Variants in SNX24 observed in about 807,000 individuals in gnomAD.
SNX24 encodes the protein sorting nexin 24.
A neutral mutation model predicts 28.7 loss-of-function variants in SNX24; 22 were observed. The observed-to-expected ratio is 0.77, with a 90% CI of 0.55 to 1.10. The LOEUF (loss-of-function observed/expected upper bound fraction) is 1.10. Among genes scored for constraint, SNX24 ranks in the 50% least tolerant of loss-of-function variants. The probability of loss-of-function intolerance (pLI) is 0.00; values close to 1 mark genes in which losing one functional copy is unlikely to be tolerated. For missense variants in SNX24, 221 were observed against 201.1 expected (o/e 1.10, Z -0.60); for synonymous variants, 69 against 71.5 (o/e 0.96, Z 0.18).
intron 1 of SNX24, among the ~76,000 whole-genome samples, chr5:122,930,672 T>C (rs1758911949): frequency 1.3e-5 from 2 of 152,220 alleles, no homozygotes; most frequent in African/African-American, 4.8e-5. Context: ...TCTAATTTTT[T>C]TGTTCTTTCA....
At chr5:122,962,862 TA>T (rs996466006) in intron 3 of SNX24, among the ~76,000 whole-genome samples, 4 of 152,186 alleles carry the variant, frequency 2.6e-5, no homozygotes, top group Non-Finnish European at 5.9e-5. Flanking sequence ...TACTGATTTT[TA>T]AAAATACCTT....
intron 5 of SNX24, chr5:123,023,700 C>G: frequency 9.7e-7 from 1 of 1,031,214 alleles, no homozygotes; most frequent in Non-Finnish European, 1.3e-6. Context: ...TACTAAAGTT[C>G]AAGCAAACTA....
intron 1 of SNX24, among the ~76,000 whole-genome samples, chr5:122,885,603 C>T (rs1756674320): frequency 6.6e-6 from 1 of 151,846 alleles, no homozygotes; most frequent in African/African-American, 2.4e-5. Context: ...GAAAGGCCTA[C>T]AGCCTATTCT....
intron 1 of SNX24, among the ~76,000 whole-genome samples, chr5:122,846,940 C>T (rs1430842968): frequency 6.6e-6 from 1 of 151,210 alleles, no homozygotes; most frequent in Non-Finnish European, 1.5e-5. Flanking sequence ...CAAACAAACC[C>T]TCGAGTTTGT....
intron 5 of SNX24, among the ~76,000 whole-genome samples, chr5:123,027,627 G>C (rs1281816721): frequency 1.3e-5 from 2 of 152,132 alleles, no homozygotes; most frequent in African/African-American, 4.8e-5. Context: ...GCAAGAACTA[G>C]AAGTAATCTT....
At chr5:122,866,105 A>G (rs1168835456) in intron 1 of SNX24, among the ~76,000 whole-genome samples, 3 of 152,214 alleles carry the variant, frequency 2.0e-5, no homozygotes, top group Non-Finnish European at 2.9e-5. Flanking sequence ...TGACAATTCA[A>G]TCTTAATTTC....
At chr5:122,996,685 T>C (rs1206819176) in intron 3 of SNX24, among the ~76,000 whole-genome samples, 1 of 152,140 alleles carries the variant, frequency 6.6e-6, no homozygotes, top group Non-Finnish European at 1.5e-5. Flanking sequence ...AATTTTAAGA[T>C]AGAAAGAGAA....
rs1328343157 is a variant in SNX24 at position 123,006,406 on chromosome 5, G to A, written c.443-1276G>A. Among the ~76,000 whole-genome samples, 2 of 152,088 alleles carry A rather than the reference G, an allele frequency of 1.3e-5. 1 individual carries two copies. Among genetic ancestry groups the A allele is most frequent in the Admixed American group, 1.3e-4 (2 of 15,276 alleles). ...CTTCATTTCTCTAGAATTCCTCCAT[G>A]GTTCTCCATCCTCAACCTCGTTTGG... On this transcript the variant is annotated intron_variant, in intron 6 of 6. Coordinates refer to ENST00000261369, the MANE Select transcript of SNX24 (RefSeq NM_014035.4).
chr5:123,007,678 TCA>T lies in SNX24; in HGVS notation c.443-3_443-2del. The T allele has an allele frequency of 5.7e-6, 9 of 1,577,100 alleles. No homozygotes were observed. The highest frequency in any genetic ancestry group is 2.4e-5 in the South Asian group (2 of 83,080). ...TTTTTTCTTTTTTTTTTTCTTTTTT[TCA>T]GATTTTCCAAATGTGGTTATTGAAG... On this transcript the variant is annotated splice_acceptor_variant and splice_polypyrimidine_tract_variant and intron_variant, in intron 6 of 6. Coordinates refer to ENST00000261369, the MANE Select transcript of SNX24 (RefSeq NM_014035.4). LOFTEE classifies it high-confidence loss of function.
intron 3 of SNX24, among the ~76,000 whole-genome samples, chr5:122,968,841 C>T (rs894705659): frequency 2.6e-5 from 4 of 151,676 alleles, no homozygotes; most frequent in African/African-American, 9.7e-5. Flanking sequence ...TTTATTACTT[C>T]ATCTTCATAT....
chr5:122,936,719 A>C lies in SNX24; in HGVS notation c.61-15A>C. On this transcript the variant is annotated splice_polypyrimidine_tract_variant and intron_variant, in intron 1 of 6. Coordinates refer to ENST00000261369, the MANE Select transcript of SNX24 (RefSeq NM_014035.4). ...TTTGAACTAATATAATTAATCTTTT[A>C]AATTTTTTCCTCAGGTGTTTAAGAT... 3 of 1,468,432 alleles carry C rather than the reference A, an allele frequency of 2.0e-6. No homozygotes were observed. The highest frequency in any genetic ancestry group is 1.9e-6 in the Non-Finnish European group (2 of 1,053,994). 91.0% of individuals were successfully genotyped at this position (1,468,432 alleles called of 1,614,324 possible). A position where few individuals can be genotyped will look rare whatever the true frequency, so the allele number is the denominator to read the frequency against.
intron 3 of SNX24, among the ~76,000 whole-genome samples, chr5:122,971,856 G>T (rs1048803103): frequency 7.4e-6 from 1 of 135,972 alleles, no homozygotes; most frequent in Admixed American, 7.6e-5. Flanking sequence ...CCCTCAGCCA[G>T]CACCTCAGTG....
At chr5:122,884,098 T>C (rs1382859615) in intron 1 of SNX24, among the ~76,000 whole-genome samples, 2 of 152,210 alleles carry the variant, frequency 1.3e-5, no homozygotes, top group Non-Finnish European at 2.9e-5. Context: ...CCAGTTTTAC[T>C]CACAAAGTTA....
At position 122,991,149 on chromosome 5, in the gene SNX24, A is replaced by T. The variant is rs147178886; in HGVS notation, c.250-8763A>T. On this transcript the variant is annotated intron_variant, in intron 3 of 6. Transcript: ENST00000261369. ...TGACCTCAAGTGATCCACCCACTGCAGCCTCCCAAAGTGCTGGGATTACAG... is the reference window on the plus strand; with the variant it reads ...TGACCTCAAGTGATCCACCCACTGCTGCCTCCCAAAGTGCTGGGATTACAG... 5.6e-3 allele frequency among the ~76,000 whole-genome samples: 854 copies of T among 152,072 alleles called. 11 individuals carry two copies. The highest frequency in any genetic ancestry group is 0.019 in the African/African-American group (777 of 41,480).
intron 1 of SNX24, among the ~76,000 whole-genome samples, chr5:122,888,524 C>G (rs1282599806): frequency 6.6e-6 from 1 of 152,200 alleles, no homozygotes; most frequent in Non-Finnish European, 1.5e-5. Context: ...AGAAGAGTAT[C>G]TGGATCATAA....
At chr5:122,917,275 GA>G (rs1157315218) in intron 1 of SNX24, among the ~76,000 whole-genome samples, 2 of 149,002 alleles carry the variant, frequency 1.3e-5, no homozygotes, top group Non-Finnish European at 3.0e-5. Context: ...AAAAAAGAAA[GA>G]AAAAAAAGAC....
chr5:122,980,758 C>T (rs1761358105), intron 3 of SNX24, among the ~76,000 whole-genome samples: 1 of 150,830 alleles, frequency 6.6e-6, no homozygotes, highest in African/African-American at 2.4e-5. Context: ...ATGCTTTGCC[C>T]CTGAAATATG....
At chr5:122,882,515 C>G (rs1449154964) in intron 1 of SNX24, among the ~76,000 whole-genome samples, 1 of 152,204 alleles carries the variant, frequency 6.6e-6, no homozygotes, top group Non-Finnish European at 1.5e-5. Context: ...GCCTTCCGGC[C>G]TTGGCACAGC....
chr5:122,876,932 A>G (rs1756250488), intron 1 of SNX24, among the ~76,000 whole-genome samples: 1 of 152,216 alleles, frequency 6.6e-6, no homozygotes, highest in Non-Finnish European at 1.5e-5. Flanking sequence ...GAAAGGGAGC[A>G]GTGTCCTGTG....
Sources: allele counts gnomAD v4.1 joint callset (sites outside exome capture counted in the v4.1 genomes callset), GRCh38; gene constraint gnomAD v4.1.1; transcripts MANE v1.5; gene names NCBI Gene and HGNC (gene_info 2026-07-23, HGNC 2026-07-21).